The following PCNX1 variants were observed in gnomAD, a reference collection of about 807,000 sequenced individuals.
PCNX1 encodes the protein pecanex 1, also known as pecanex-like protein 1.
Under a neutral mutation model 242.2 loss-of-function variants are expected in PCNX1, and 78 were observed. The ratio of observed to expected loss-of-function variants is 0.32; its 90% CI spans 0.27 to 0.39. The LOEUF (loss-of-function observed/expected upper bound fraction) is 0.39. Among genes scored for constraint, PCNX1 ranks in the 10% least tolerant of loss-of-function variants. The pLI is 1.00. For missense variants in PCNX1, 2,581 were observed against 2,856.5 expected (o/e 0.90, Z 2.20); for synonymous variants, 1,024 against 1,032.9 (o/e 0.99, Z 0.17).
intron 8 of PCNX1, among the ~76,000 whole-genome samples, chr14:70,998,886 A>G (rs1407297473): frequency 2.0e-5 from 3 of 151,994 alleles, no homozygotes; most frequent in Non-Finnish European, 4.4e-5. Flanking sequence ...GGAAGTTAAT[A>G]TCTTTGGAAA....
At chr14:71,058,648 T>C (rs1040466761) in intron 26 of PCNX1, among the ~76,000 whole-genome samples, 1 of 152,230 alleles carries the variant, frequency 6.6e-6, no homozygotes, top group Non-Finnish European at 1.5e-5. Flanking sequence ...ATTTTCATCC[T>C]GGTGTTGCAT....
At position 71,018,996 on chromosome 14, in the gene PCNX1, T is replaced by A. The variant is rs765003762; in HGVS notation, c.2997-13T>A. Reference sequence around the variant, plus strand: ...CTTAAGATATACTTACCCATAAGTTTTTCTGTCCGTAGAAATCGTGAGATC... The same window carrying A: ...CTTAAGATATACTTACCCATAAGTTATTCTGTCCGTAGAAATCGTGAGATC... On this transcript the variant is annotated splice_polypyrimidine_tract_variant and intron_variant, in intron 11 of 35. Coordinates refer to ENST00000304743, the MANE Select transcript of PCNX1 (RefSeq NM_014982.3). The A allele has an allele frequency of 2.1e-5, 33 of 1,606,168 alleles. No individual in the cohort carries two copies. Among genetic ancestry groups the A allele is most frequent in the Non-Finnish European group, 2.5e-5 (29 of 1,176,560 alleles).
intron 2 of PCNX1, among the ~76,000 whole-genome samples, chr14:70,951,154 A>G (rs1004009816): frequency 2.0e-5 from 3 of 151,966 alleles, no homozygotes; most frequent in African/African-American, 7.2e-5. Context: ...TTAAGTAACA[A>G]ATTTTTTCCC....
At chr14:70,985,096 A>G (rs2058959670) in intron 6 of PCNX1, among the ~76,000 whole-genome samples, 1 of 152,256 alleles carries the variant, frequency 6.6e-6, no homozygotes, top group Non-Finnish European at 1.5e-5. Flanking sequence ...TTGTCCATGA[A>G]TTGAACTTAG....
At chr14:70,912,873 C>T (rs1340821440) in intron 1 of PCNX1, among the ~76,000 whole-genome samples, 2 of 152,142 alleles carry the variant, frequency 1.3e-5, no homozygotes, top group Non-Finnish European at 2.9e-5. Flanking sequence ...GACCTTTGCA[C>T]GTGTTGTGCC....
intron 3 of PCNX1, among the ~76,000 whole-genome samples, chr14:70,964,584 T>C (rs527846393): frequency 2.8e-4 from 42 of 152,252 alleles, no homozygotes; most frequent in African/African-American, 7.9e-4. Flanking sequence ...CCCCAGAGAG[T>C]AAGCCTACAT....
Position 70,977,855 on chromosome 14 carries a change from A to G in PCNX1, c.1518A>G (p.Pro506=), listed in dbSNP as rs1195428328. 15 of 1,614,002 alleles carry G rather than the reference A, an allele frequency of 9.3e-6. No individual in the cohort carries two copies. In the African/African-American group the frequency reaches 1.1e-4, roughly 11 times the overall value. The change falls in exon 6 of 36, where the codon CCA becomes CCG. Residue 506 remains proline, a synonymous_variant. Transcript: ENST00000304743. Reference sequence around the variant, plus strand: ...AATTTACTTCCCAAGGGGACAGACCACCTGGGAACACTGCAGAAAACAAAG... The same window carrying G: ...AATTTACTTCCCAAGGGGACAGACCGCCTGGGAACACTGCAGAAAACAAAG... ...ANEFTSQGDR[P]PGNTAENKEE... is the part of the protein sequence containing the mutation.
intron 27 of PCNX1, among the ~76,000 whole-genome samples, chr14:71,075,452 A>G (rs116497607): frequency 1.2e-3 from 185 of 152,228 alleles, no homozygotes; most frequent in African/African-American, 4.1e-3. Context: ...GGCATTTTCT[A>G]TCTCTAGTTC....
intron 30 of PCNX1, among the ~76,000 whole-genome samples, chr14:71,098,147 G>A (rs192968318): frequency 6.6e-6 from 1 of 152,294 alleles, no homozygotes; most frequent in Admixed American, 6.5e-5. Context: ...TGGTCTGTAT[G>A]TCTGTCTTTT....
Position 71,110,425 on chromosome 14 carries a change from A to G in PCNX1, c.*490A>G, listed in dbSNP as rs1252005775. On this transcript the variant is annotated 3_prime_UTR_variant, in exon 36 of 36. Transcript: ENST00000304743. Reference sequence around the variant, plus strand: ...ATAAAAGTTTAATGTACAGTGAAAGAGACTATGAACAGACATAGATTTATC... The same window carrying G: ...ATAAAAGTTTAATGTACAGTGAAAGGGACTATGAACAGACATAGATTTATC... The G allele has an allele frequency of 5.8e-6, 1 of 173,064 alleles. No individual in the cohort carries two copies. Among genetic ancestry groups the G allele is most frequent in the African/African-American group, 2.4e-5 (1 of 41,636 alleles). 10.7% of individuals were successfully genotyped at this position (173,064 alleles called of 1,614,324 possible). A position where few individuals can be genotyped will look rare whatever the true frequency, so the allele number is the denominator to read the frequency against.
rs772102367 is a variant in PCNX1 at position 71,101,942 on chromosome 14, A to G, written c.5590-48A>G. The G allele has an allele frequency of 2.0e-5, 21 of 1,039,742 alleles. No individual in the cohort carries two copies. In the East Asian group the frequency reaches 5.4e-4, roughly 27 times the overall value. The allele number at this position is 1,039,742 out of a possible 1,614,324, so 64.4% of individuals were successfully genotyped here. On this transcript the variant is annotated intron_variant, in intron 30 of 35. Transcript: ENST00000304743. Reference sequence around the variant, plus strand: ...TCACTTAGTAACTGTAGAAGTTATCAGTTCTTTTATTTTCCTTTAAAAATT... The same window carrying G: ...TCACTTAGTAACTGTAGAAGTTATCGGTTCTTTTATTTTCCTTTAAAAATT...
chr14:71,034,050 T>C lies in PCNX1; in HGVS notation c.3774+14T>C. ...AGAAATTCTGTTGTAAGTTTTAACA[T>C]TTAGAATCACCTAAAAGACTTAAAT... is the stretch of plus-strand genomic sequence containing the variant. On this transcript the variant is annotated intron_variant, in intron 18 of 35. Transcript: ENST00000304743. 3 of 1,381,192 alleles carry C rather than the reference T, an allele frequency of 2.2e-6. No homozygotes were observed. The highest frequency in any genetic ancestry group is 2.1e-6 in the Non-Finnish European group (2 of 973,896). The allele number at this position is 1,381,192 out of a possible 1,614,324, so 85.6% of individuals were successfully genotyped here.
rs1453916208 is a variant in PCNX1 at position 70,988,664 on chromosome 14, T to C, written c.2409T>C (p.Pro803=). The C allele has an allele frequency of 3.7e-6, 6 of 1,613,990 alleles. No homozygotes were observed. The Admixed American group carries it at 8.3e-5, about 22-fold the overall frequency. ...GCCGGCACAATGCAGGGAGTAACCC[T>C]ACCCCTCCTACATTGCTCATCGGAT... is the stretch of plus-strand genomic sequence containing the variant. ...VRRRHNAGSN[P]TPPTLLIGSP... is the part of the protein sequence containing the mutation. Residue 803 remains proline, a synonymous_variant, in exon 7 of 36, where the codon CCT becomes CCC. Coordinates refer to ENST00000304743, the MANE Select transcript of PCNX1 (RefSeq NM_014982.3).
In PCNX1 at chr14:71,026,231, T is replaced by A. The variant is rs2060240323; in HGVS notation, c.3298T>A (p.Tyr1100Asn). The part of the protein sequence containing the change: ...RNLTATKFKL[Y>N]GITFTNPLVF... ...CCTGACTGCAACCAAGTTCAAATTA[T>A]ATGGAATAACTTTCACCAATCCACT... Residue 1100 changes from tyrosine to asparagine, a missense_variant, in exon 14 of 36, where the codon TAT becomes AAT. Around this residue, in one of 9 missense-constraint regions of PCNX1, gnomAD observed 432 missense variants for 443.1 expected, o/e 0.97. Coordinates refer to ENST00000304743, the MANE Select transcript of PCNX1 (RefSeq NM_014982.3). 1 of 1,612,164 alleles carries A rather than the reference T, an allele frequency of 6.2e-7. No individual in the cohort carries two copies. Among genetic ancestry groups the A allele is most frequent in the Non-Finnish European group, 8.5e-7 (1 of 1,178,980 alleles).
intron 3 of PCNX1, among the ~76,000 whole-genome samples, chr14:70,966,644 G>A (rs1031743181): frequency 1.1e-4 from 17 of 152,142 alleles, no homozygotes; most frequent in Non-Finnish European, 2.2e-4. Context: ...ACCAATTTTG[G>A]AACAAAATAG....
chr14:71,100,986 G>A (rs1438862333), intron 30 of PCNX1, among the ~76,000 whole-genome samples: 2 of 152,148 alleles, frequency 1.3e-5, no homozygotes, highest in African/African-American at 4.8e-5. Context: ...TAAAATTCCA[G>A]TGAAATAATG....
At chr14:71,046,369 A>G (rs963215812) in intron 20 of PCNX1, among the ~76,000 whole-genome samples, 1 of 152,038 alleles carries the variant, frequency 6.6e-6, no homozygotes, top group African/African-American at 2.4e-5. Flanking sequence ...TTGAATCAGC[A>G]TATCATTTTG....
chr14:70,947,964 T>G lies in PCNX1; in HGVS notation c.362+841T>G, dbSNP rs184711545. Reference sequence around the variant, plus strand: ...GCAGTTGTGGATAGGGGATGAAATATGCCCTGGTCTCCAGCAGCGCCCCCA... The same window carrying G: ...GCAGTTGTGGATAGGGGATGAAATAGGCCCTGGTCTCCAGCAGCGCCCCCA... On this transcript the variant is annotated intron_variant, in intron 2 of 35. Transcript: ENST00000304743. Among the ~76,000 whole-genome samples, 946 of 152,308 alleles carry G rather than the reference T, an allele frequency of 6.2e-3. 23 individuals carry two copies. Among genetic ancestry groups the G allele is most frequent in the Admixed American group, 0.054 (822 of 15,300 alleles).
At chr14:70,969,925 T>C (rs918391780) in intron 5 of PCNX1, 2 of 152,346 alleles carry the variant, frequency 1.3e-5, no homozygotes, top group African/African-American at 4.8e-5. Flanking sequence ...TGAGCCGAGA[T>C]CGTGTGACTG....
Sources: allele counts gnomAD v4.1 joint callset (sites outside exome capture counted in the v4.1 genomes callset), GRCh38; gene constraint gnomAD v4.1.1; regional missense constraint gnomAD v4.1.1; transcripts MANE v1.5; gene names NCBI Gene and HGNC (gene_info 2026-07-23, HGNC 2026-07-21).